The following AKT3 variants were observed in gnomAD, a reference collection of about 807,000 sequenced individuals.
The protein encoded by AKT3 is AKT serine/threonine kinase 3.
AKT3 carries 15 observed loss-of-function variants against 65.3 expected under a neutral mutation model. That is an observed-to-expected ratio of 0.23 (90% CI 0.15 to 0.35). The LOEUF (loss-of-function observed/expected upper bound fraction) is 0.35, where lower values mean the gene tolerates loss of function less well. Among genes scored for constraint, AKT3 ranks in the 10% least tolerant of loss-of-function variants. The probability of loss-of-function intolerance (pLI) is 1.00; values close to 1 mark genes in which losing one functional copy is unlikely to be tolerated. For synonymous variants in AKT3, 206 were observed against 183.8 expected (o/e 1.12, Z -0.98); for missense variants, 243 against 576.5 (o/e 0.42, Z 5.92).
intron 2 of AKT3, among the ~76,000 whole-genome samples, chr1:243,815,394 T>G (rs1693446518): frequency 6.6e-6 from 1 of 152,112 alleles, no homozygotes; most frequent in Admixed American, 6.5e-5. Context: ...TTCCTCGTGT[T>G]TCCGTTAATA....
chr1:243,532,633 G>A (rs1201734690), intron 12 of AKT3, among the ~76,000 whole-genome samples: 1 of 152,142 alleles, frequency 6.6e-6, no homozygotes, highest in East Asian at 1.9e-4. Flanking sequence ...AATGCCTCTA[G>A]TTTTGACATC....
intron 2 of AKT3, among the ~76,000 whole-genome samples, chr1:243,795,426 C>T (rs998512252): frequency 4.2e-5 from 6 of 143,662 alleles, no homozygotes; most frequent in Middle Eastern, 3.7e-3. Flanking sequence ...ATAGTTCAGG[C>T]GTAGGTTTCC....
chr1:243,657,414 A>G (rs1199970186), intron 4 of AKT3, among the ~76,000 whole-genome samples: 4 of 152,206 alleles, frequency 2.6e-5, no homozygotes, highest in African/African-American at 9.7e-5. Context: ...AAAAGAATAA[A>G]GTACTTTAGG....
chr1:243,532,379 T>C (rs1455946572), intron 12 of AKT3, among the ~76,000 whole-genome samples: 4 of 152,054 alleles, frequency 2.6e-5, no homozygotes, highest in Non-Finnish European at 5.9e-5. Context: ...CATAAAGGAG[T>C]GAATTTTGTC....
intron 2 of AKT3, among the ~76,000 whole-genome samples, chr1:243,835,802 T>A (rs950339093): frequency 2.6e-5 from 4 of 151,710 alleles, no homozygotes; most frequent in African/African-American, 9.7e-5. Context: ...CAAAAGAAGA[T>A]AAGAAAGTAT....
downstream of AKT3, among the ~76,000 whole-genome samples, chr1:243,495,668 G>A (rs532333336): frequency 3.9e-5 from 6 of 152,278 alleles, no homozygotes; most frequent in African/African-American, 1.2e-4. Context: ...ACTGCCCCTC[G>A]GCTCTGTAGA....
chr1:243,845,119 T>G (rs1422382911), intron 1 of AKT3, among the ~76,000 whole-genome samples: 1 of 152,160 alleles, frequency 6.6e-6, no homozygotes, highest in Non-Finnish European at 1.5e-5. Flanking sequence ...CAGGTCATTC[T>G]TCAATGCAAA....
At chr1:243,753,610 T>C (rs971724944) in intron 2 of AKT3, among the ~76,000 whole-genome samples, 1 of 152,190 alleles carries the variant, frequency 6.6e-6, no homozygotes, top group Non-Finnish European at 1.5e-5. Flanking sequence ...TATAATACTG[T>C]TCTTTTGTAC....
chr1:243,520,789 C>T (rs758259088), intron 12 of AKT3, among the ~76,000 whole-genome samples: 31 of 152,218 alleles, frequency 2.0e-4, no homozygotes, highest in Non-Finnish European at 3.7e-4. Flanking sequence ...AAATATGCAA[C>T]TTCAAGTCCG....
intron 3 of AKT3, 100 bp downstream of exon 3, chr1:243,695,491 A>G (rs1299456870): frequency 5.1e-6 from 6 of 1,175,314 alleles, no homozygotes; most frequent in Non-Finnish European, 5.7e-6. Flanking sequence ...ATATAAACCC[A>G]AACTTTTTCA....
intron 2 of AKT3, among the ~76,000 whole-genome samples, chr1:243,810,234 G>A (rs1030456189): frequency 4.6e-5 from 7 of 152,170 alleles, no homozygotes; most frequent in Non-Finnish European, 1.0e-4. Context: ...AGTGAATCCA[G>A]GAGATGGTTT....
intron 10 of AKT3, 32 bp from the exon 11 acceptor site, chr1:243,552,975 T>C (rs752975031): frequency 4.1e-6 from 6 of 1,474,774 alleles, no homozygotes; most frequent in East Asian, 2.3e-5. Context: ...AGATTAATTA[T>C]TACATGTTAA....
intron 3 of AKT3, among the ~76,000 whole-genome samples, chr1:243,689,304 C>T (rs1214750547): frequency 1.3e-5 from 2 of 151,924 alleles, no homozygotes; most frequent in African/African-American, 4.8e-5. Context: ...TTTACATAGT[C>T]TGTAGTTTTT....
At chr1:243,777,100 T>G (rs965446719) in intron 2 of AKT3, among the ~76,000 whole-genome samples, 4 of 151,538 alleles carry the variant, frequency 2.6e-5, no homozygotes, top group Non-Finnish European at 4.4e-5. Context: ...TCAACCTTTT[T>G]GGCACCAGGG....
chr1:243,544,842 T>C (rs1672555560), intron 12 of AKT3, among the ~76,000 whole-genome samples: 1 of 151,266 alleles, frequency 6.6e-6, no homozygotes, highest in South Asian at 2.1e-4. Context: ...TTCTTAGGAG[T>C]GCGCCACCAC....
At chr1:243,489,854 G>GA (rs1226144534) in intron 13 of AKT3, among the ~76,000 whole-genome samples, 5 of 152,182 alleles carry the variant, frequency 3.3e-5, no homozygotes, top group African/African-American at 1.2e-4. Context: ...CACCAGCAGG[G>GA]AAAAGGGAGG....
chr1:243,585,832 A>T (rs1675760560), intron 8 of AKT3, among the ~76,000 whole-genome samples: 1 of 152,208 alleles, frequency 6.6e-6, no homozygotes, highest in Non-Finnish European at 1.5e-5. Flanking sequence ...TGGCACTGGA[A>T]AAAATTATAT....
chr1:243,779,213 A>G (rs542446287), intron 2 of AKT3, among the ~76,000 whole-genome samples: 1 of 152,308 alleles, frequency 6.6e-6, no homozygotes, highest in South Asian at 2.1e-4. Flanking sequence ...CACCTTGTAT[A>G]TATCACATAA....
At chr1:243,687,454 T>C (rs879853749) in intron 3 of AKT3, 49 of 152,134 alleles carry the variant, frequency 3.2e-4, no homozygotes, top group African/African-American at 1.0e-3. Context: ...GATTATTTAA[T>C]AAGAAACTCA....
Sources: allele counts gnomAD v4.1 joint callset (sites outside exome capture counted in the v4.1 genomes callset), GRCh38; gene constraint gnomAD v4.1.1; transcripts MANE v1.5; gene names NCBI Gene and HGNC (gene_info 2026-07-23, HGNC 2026-07-21).